The following MYH1 variants were observed in gnomAD, a reference collection of about 807,000 sequenced individuals.
MYH1 encodes myosin heavy chain 1, also known as myosin-1.
In MYH1, 214 loss-of-function variants were observed where a neutral mutation model predicts 225.6. The observed-to-expected ratio is 0.95, with a 90% CI of 0.85 to 1.06. The LOEUF (loss-of-function observed/expected upper bound fraction) is 1.06. MYH1 is among the 50% of genes least tolerant of loss of function. The pLI is 0.00. For synonymous variants in MYH1, 774 were observed against 842.3 expected, an observed-to-expected ratio of 0.92 and a Z score of 1.40; for missense variants, 2,098 against 2,344.2, an observed-to-expected ratio of 0.89 and a Z score of 2.17.
chr17:10,514,831 A>G (rs2073209106), intron 6 of MYH1, 37 bp downstream of exon 6: 2 of 1,592,940 alleles, frequency 1.3e-6, no homozygotes, highest in Admixed American at 1.7e-5. Flanking sequence ...TCCAGTAAGA[A>G]CAAACTGCCA....
intron 39 of MYH1, among the ~76,000 whole-genome samples, chr17:10,492,798 A>G (rs2072948515): frequency 6.6e-6 from 1 of 151,848 alleles, no homozygotes; most frequent in Non-Finnish European, 1.5e-5. Context: ...CTTTTAGAAC[A>G]GCAGAACATC....
chr17:10,508,566 T>C lies in MYH1; in HGVS notation c.1694A>G (p.Asn565Ser). The C allele has an allele frequency of 6.2e-7, 1 of 1,614,110 alleles. No homozygotes were observed. Among genetic ancestry groups the C allele is most frequent in the Non-Finnish European group, 8.5e-7 (1 of 1,180,014 alleles). ...LYEQHLGKSN[N>S]FQKPKPAKGK... is the part of the protein sequence containing the mutation. ...TTTGGCAGGCTTGGGCTTCTGGAAGTTATTGGATTTTCCAAGATGTTGTTC... is the reference window on the plus strand; with the variant it reads ...TTTGGCAGGCTTGGGCTTCTGGAAGCTATTGGATTTTCCAAGATGTTGTTC... The change falls in exon 16 of 40, where the codon AAC becomes AGC. Residue 565 changes from asparagine (N) to serine (S), a missense_variant. By Grantham distance (46) the Asn-to-Ser change is conservative (BLOSUM62 1). Transcript: ENST00000226207.
Position 10,494,338 on chromosome 17 carries a change from G to A in MYH1, c.5667+16C>T. The A allele has an allele frequency of 1.9e-6, 3 of 1,610,142 alleles. No homozygotes were observed. The highest frequency in any genetic ancestry group is 2.5e-6 in the Non-Finnish European group (3 of 1,178,260). On this transcript the variant is annotated intron_variant, in intron 39 of 39. Coordinates refer to ENST00000226207, the MANE Select transcript of MYH1 (RefSeq NM_005963.4). Reference sequence around the variant, plus strand: ...TCATGTCTGAGAAAAATCACCCCAAGGGGTTGTGAACTCACCGCTTCTTCA... The same window carrying A: ...TCATGTCTGAGAAAAATCACCCCAAAGGGTTGTGAACTCACCGCTTCTTCA...
At chr17:10,507,165 G>C (rs1346816006) in intron 17 of MYH1, among the ~76,000 whole-genome samples, 1 of 152,040 alleles carries the variant, frequency 6.6e-6, no homozygotes, top group Non-Finnish European at 1.5e-5. Context: ...CTGGGTTCAA[G>C]CGATTCTCAT....
Position 10,500,731 on chromosome 17 carries a change from G to A in MYH1, c.3760C>T (p.Arg1254Cys), listed in dbSNP as rs1291893077. 30 of 1,614,044 alleles carry A rather than the reference G, an allele frequency of 1.9e-5. No homozygotes were observed. The highest frequency in any genetic ancestry group is 2.4e-5 in the Non-Finnish European group (28 of 1,180,000). Reference sequence around the variant, plus strand: ...TCACTCAGTTGATCTTCTAGAGCGCGGCACATCTTTTCAAGGTTTCCCTGC... The same window carrying A: ...TCACTCAGTTGATCTTCTAGAGCGCAGCACATCTTTTCAAGGTTTCCCTGC... ...KAKGNLEKMCRALEDQLSEIK... is the reference protein window; with the variant it reads ...KAKGNLEKMCCALEDQLSEIK... The change falls in exon 28 of 40, where the codon CGC (arginine) becomes TGC (cysteine). Residue 1254 changes from arginine to cysteine, a missense_variant. Physicochemically the swap from Arg to Cys is radical, Grantham distance 180. Transcript: ENST00000226207.
Position 10,496,019 on chromosome 17 carries a change from C to T in MYH1, c.5100G>A (p.Glu1700=), listed in dbSNP as rs189070988. 58 of 1,614,140 alleles carry T rather than the reference C, an allele frequency of 3.6e-5. 1 individual carries two copies. The South Asian group carries it at 6.0e-4, about 17-fold the overall frequency. ...EELRATLEQT[E]RSRKIAEQEL... is the part of the protein sequence containing the mutation. ...CCTGTTCTGCGATTTTCCTGCTCCT[C>T]TCTGTCTGTTCCAGAGTGGCCCGCA... The change falls in exon 35 of 40, where the codon GAG becomes GAA. Residue 1700 remains glutamate (E), a synonymous_variant. Coordinates refer to ENST00000226207, the MANE Select transcript of MYH1 (RefSeq NM_005963.4).
In MYH1 at chr17:10,497,412, G is replaced by A; in HGVS notation, c.4406C>T (p.Ala1469Val). The change falls in exon 32 of 40, where the codon GCT (alanine) becomes GTT (valine). Residue 1469 changes from alanine to valine, a missense_variant. Coordinates refer to ENST00000226207, the MANE Select transcript of MYH1 (RefSeq NM_005963.4). Reference protein sequence around the residue: ...EWKQKCEETHAELEASQKESR... With the variant: ...EWKQKCEETHVELEASQKESR... Reference sequence around the variant, plus strand: ...TTCCTTTTGAGAAGCTTCAAGTTCAGCATGAGTTTCTTCACACTTCTGTTT... The same window carrying A: ...TTCCTTTTGAGAAGCTTCAAGTTCAACATGAGTTTCTTCACACTTCTGTTT... 1 of 1,612,114 alleles carries A rather than the reference G, an allele frequency of 6.2e-7. No individual in the cohort carries two copies. Among genetic ancestry groups the A allele is most frequent in the South Asian group, 1.1e-5 (1 of 90,412 alleles).
intron 11 of MYH1, 51 bp from the exon 12 acceptor site, chr17:10,512,597 T>C: frequency 6.2e-7 from 1 of 1,612,998 alleles, no homozygotes; most frequent in Non-Finnish European, 8.5e-7. Flanking sequence ...GAATTTATAC[T>C]GTATCTTTTA....
At position 10,510,159 on chromosome 17, in the gene MYH1, T is replaced by A. The variant is rs544285822; in HGVS notation, c.1417-504A>T. Reference sequence around the variant, plus strand: ...CCCCTGAACTTAAAAGTTTTTTTTTTAAAAGTTGTTTGGTTTTTATAGTAT... The same window carrying A: ...CCCCTGAACTTAAAAGTTTTTTTTTAAAAAGTTGTTTGGTTTTTATAGTAT... On this transcript the variant is annotated intron_variant, in intron 14 of 39. Coordinates refer to ENST00000226207, the MANE Select transcript of MYH1 (RefSeq NM_005963.4). Among the ~76,000 whole-genome samples, 21 of 152,226 alleles carry A rather than the reference T, an allele frequency of 1.4e-4. No individual in the cohort carries two copies. The East Asian group carries it at 2.9e-3, about 21-fold the overall frequency.
At chr17:10,511,726 T>G in intron 14 of MYH1, 113 bp downstream of exon 14, 5 of 1,532,322 alleles carry the variant, frequency 3.3e-6, no homozygotes, top group Non-Finnish European at 4.5e-6. Flanking sequence ...AAGTTTAAAG[T>G]GCAGCTATTT....
At chr17:10,509,814 G>T (rs2073154258) in intron 14 of MYH1, among the ~76,000 whole-genome samples, 159 bp from the exon 15 acceptor site, 1 of 152,154 alleles carries the variant, frequency 6.6e-6, no homozygotes, top group African/African-American at 2.4e-5. Flanking sequence ...TAGCATACTT[G>T]TTAAAATTGT....
Position 10,504,945 on chromosome 17 carries a change from C to T in MYH1, c.2556G>A (p.Glu852=), listed in dbSNP as rs2142266992. The change falls in exon 22 of 40, where the codon GAG becomes GAA. Residue 852 remains glutamate (E), a synonymous_variant. Coordinates refer to ENST00000226207, the MANE Select transcript of MYH1 (RefSeq NM_005963.4). ...PLLKSAETEK[E]MANMKEEFEK... ...CAAATTCTTCCTTCATGTTGGCCAT[C>T]TCCTTCTCTGTCTCTGCACTTTTGA... is the stretch of plus-strand genomic sequence containing the variant. 6.2e-7 allele frequency: 1 copy of T among 1,614,122 alleles called. No homozygotes were observed. Among genetic ancestry groups the T allele is most frequent in the Non-Finnish European group, 8.5e-7 (1 of 1,180,034 alleles).
chr17:10,497,537 A>C, intron 31 of MYH1, 85 bp from the exon 32 acceptor site: 1 of 1,523,854 alleles, frequency 6.6e-7, no homozygotes, highest in East Asian at 2.3e-5. Flanking sequence ...CTCAGAGTTG[A>C]GGTGTTCTGG....
chr17:10,511,953 G>C lies in MYH1; in HGVS notation c.1302C>G (p.Val434=). 6.2e-7 allele frequency: 1 copy of C among 1,614,172 alleles called. No homozygotes were observed. The highest frequency in any genetic ancestry group is 2.2e-5 in the East Asian group (1 of 44,880). The part of the protein sequence containing the change: ...YNAVGALAKA[V]YDKMFLWMVT... ...CCATCCACAAGAACATCTTATCGTA[G>C]ACAGCTTTGGCCAGAGCACCCACTG... is the stretch of plus-strand genomic sequence containing the variant. Residue 434 remains valine (V), a synonymous_variant, in exon 14 of 40, where the codon GTC becomes GTG. Coordinates refer to ENST00000226207, the MANE Select transcript of MYH1 (RefSeq NM_005963.4).
At chr17:10,510,378 A>G (rs1811725351) in intron 14 of MYH1, among the ~76,000 whole-genome samples, 1 of 152,174 alleles carries the variant, frequency 6.6e-6, no homozygotes, top group South Asian at 2.1e-4. Context: ...TTTAATCCTC[A>G]CAGCTACCTT....
Position 10,501,905 on chromosome 17 carries a change from CT to C in MYH1, c.3117del (p.Gly1040AspfsTer13). 1 of 1,603,742 alleles carries C rather than the reference CT, an allele frequency of 6.2e-7. No individual in the cohort carries two copies. Among genetic ancestry groups the C allele is most frequent in the Admixed American group, 1.7e-5 (1 of 57,612 alleles). ...IKLEQQVDDLEGSLEQEKKIR... is the reference protein window; with the variant it reads ...IKLEQQVDDLXGSLEQEKKIR... Reference sequence around the variant, plus strand: ...ATTTTCTTTTCTTGTTCCAAAGATCCTTCAAGCTAAAAGTTAATAATCCATG... The same window carrying C: ...ATTTTCTTTTCTTGTTCCAAAGATCCTCAAGCTAAAAGTTAATAATCCATG... On this transcript the variant is annotated frameshift_variant, in exon 25 of 40. Coordinates refer to ENST00000226207, the MANE Select transcript of MYH1 (RefSeq NM_005963.4). LOFTEE classifies it high-confidence loss of function.
intron 35 of MYH1, among the ~76,000 whole-genome samples, 183 bp downstream of exon 35, chr17:10,495,767 A>AAAAAAAAAAAAAAAAAAAAAAAT (rs2072984456): frequency 1.3e-5 from 2 of 149,226 alleles, no homozygotes; most frequent in Non-Finnish European, 3.0e-5. Flanking sequence ...TCTCAAAAAA[A>AAAAAAAAAAAAAAAAAAAAAAAT]AAAAAAAAAT....
chr17:10,494,735 C>A, intron 37 of MYH1, 62 bp from the exon 38 acceptor site: 5 of 1,603,596 alleles, frequency 3.1e-6, no homozygotes, highest in Non-Finnish European at 4.3e-6. Flanking sequence ...TTCACATGAC[C>A]CACATACTTC....
At chr17:10,509,768 C>T (rs1376925652) in intron 14 of MYH1, 113 bp from the exon 15 acceptor site, 3 of 1,551,532 alleles carry the variant, frequency 1.9e-6, no homozygotes, top group Non-Finnish European at 8.8e-7. Context: ...TCGTTTTGTC[C>T]TACCTATACC....
Sources: allele counts gnomAD v4.1 joint callset (sites outside exome capture counted in the v4.1 genomes callset), GRCh38; gene constraint gnomAD v4.1.1; transcripts MANE v1.5; gene names NCBI Gene and HGNC (gene_info 2026-07-23, HGNC 2026-07-21).